UGGT2: variants seen among roughly 807,000 people sequenced by gnomAD.
UGGT2 encodes the protein UDP-glucose glycoprotein glucosyltransferase 2.
In UGGT2, 180 loss-of-function variants were observed where a neutral mutation model predicts 192.1. The ratio of observed to expected loss-of-function variants is 0.94; its 90% CI spans 0.83 to 1.06. UGGT2 has a LOEUF of 1.06. Ranked by LOEUF, UGGT2 falls within the 50% of genes least tolerant of loss-of-function variation. UGGT2 has a pLI of 0.00. For synonymous variants in UGGT2, 580 were observed against 591.0 expected (o/e 0.98, Z 0.27); for missense variants, 1,849 against 1,795.7 (o/e 1.03, Z -0.54).
At chr13:96,023,989 G>T (rs2052592022) in intron 2 of UGGT2, among the ~76,000 whole-genome samples, 1 of 152,090 alleles carries the variant, frequency 6.6e-6, no homozygotes, top group Non-Finnish European at 1.5e-5. Flanking sequence ...AAATAATCTT[G>T]CCATTAAAAT....
chr13:95,839,060 T>C (rs1028232897), intron 36 of UGGT2, among the ~76,000 whole-genome samples: 1 of 152,140 alleles, frequency 6.6e-6, no homozygotes, highest in African/African-American at 2.4e-5. Flanking sequence ...TTGTACTTTC[T>C]TGACAAAGTC....
chr13:95,994,927 G>A (rs1388629506), intron 7 of UGGT2, among the ~76,000 whole-genome samples: 1 of 151,974 alleles, frequency 6.6e-6, no homozygotes, highest in Non-Finnish European at 1.5e-5. Flanking sequence ...GGTAAAAGGA[G>A]AAAAACATGC....
chr13:95,855,926 G>A (rs1287686733), intron 34 of UGGT2, among the ~76,000 whole-genome samples: 1 of 152,064 alleles, frequency 6.6e-6, no homozygotes, highest in African/African-American at 2.4e-5. Flanking sequence ...TACTACTTTA[G>A]AGAGAAAACT....
At position 95,972,669 on chromosome 13, in the gene UGGT2, A is replaced by G. The variant is rs764857010; in HGVS notation, c.1095T>C (p.Asp365=). The G allele has an allele frequency of 1.2e-6, 2 of 1,612,388 alleles. No individual in the cohort carries two copies. The highest frequency in any genetic ancestry group is 4.5e-5 in the East Asian group (2 of 44,794). Residue 365 remains aspartate (D), a splice_region_variant and synonymous_variant, in exon 11 of 39, where the codon GAT becomes GAC. Transcript: ENST00000376747. The part of the protein sequence containing the change: ...MREEIKENQK[D]LQVRFKIQPG... ...GCTGAATTTTAAATCTAACTTGAAGATCCTTGAAGTAGAGCAAAGCAATAG... is the reference window on the plus strand; with the variant it reads ...GCTGAATTTTAAATCTAACTTGAAGGTCCTTGAAGTAGAGCAAAGCAATAG...
At chr13:95,862,085 C>A (rs73556795) in intron 31 of UGGT2, among the ~76,000 whole-genome samples, 3 of 152,086 alleles carry the variant, frequency 2.0e-5, no homozygotes, top group African/African-American at 7.2e-5. Context: ...ATTTCATTAT[C>A]CCCTGTCAAA....
intron 12 of UGGT2, among the ~76,000 whole-genome samples, chr13:95,961,143 T>C (rs966899884): frequency 6.6e-6 from 1 of 151,340 alleles, no homozygotes. Context: ...ATGTTACCAA[T>C]ACAGAAAACC....
intron 1 of UGGT2, among the ~76,000 whole-genome samples, chr13:96,050,043 CA>C (rs1325186431): frequency 6.6e-6 from 1 of 152,148 alleles, no homozygotes; most frequent in African/African-American, 2.4e-5. Context: ...GCAAAAAGAA[CA>C]AAGCTGGAGG....
chr13:95,870,943 G>C (rs564437069), intron 29 of UGGT2, among the ~76,000 whole-genome samples: 113 of 152,294 alleles, frequency 7.4e-4, no homozygotes, highest in African/African-American at 2.6e-3. Context: ...TCTGCCATAG[G>C]GCAATGCAGC....
chr13:95,934,080 T>G (rs985753681), intron 17 of UGGT2, among the ~76,000 whole-genome samples: 4 of 152,226 alleles, frequency 2.6e-5, no homozygotes, highest in Non-Finnish European at 5.9e-5. Flanking sequence ...TGTTTTCATT[T>G]ATTTGAATTT....
chr13:95,974,094 T>G (rs959375642), intron 10 of UGGT2, among the ~76,000 whole-genome samples: 1 of 152,216 alleles, frequency 6.6e-6, no homozygotes, highest in African/African-American at 2.4e-5. Flanking sequence ...TGAATTTTTC[T>G]GTACGATTAT....
intron 20 of UGGT2, among the ~76,000 whole-genome samples, chr13:95,911,485 A>C (rs1180586493): frequency 6.6e-6 from 1 of 152,230 alleles, no homozygotes; most frequent in East Asian, 1.9e-4. Flanking sequence ...GAAAATCTAG[A>C]AGAAATGGAT....
intron 7 of UGGT2, among the ~76,000 whole-genome samples, chr13:95,992,952 A>G (rs540125359): frequency 7.0e-4 from 107 of 152,338 alleles, no homozygotes; most frequent in African/African-American, 2.5e-3. Flanking sequence ...AATTCTGACA[A>G]AAAGACATAT....
chr13:96,002,160 C>G (rs2051827603), intron 5 of UGGT2, among the ~76,000 whole-genome samples: 1 of 152,154 alleles, frequency 6.6e-6, no homozygotes, highest in South Asian at 2.1e-4. Context: ...ATCTCCCACT[C>G]CCGTTCCTAT....
chr13:95,874,358 C>T (rs1015981665), intron 29 of UGGT2, among the ~76,000 whole-genome samples: 1 of 152,136 alleles, frequency 6.6e-6, no homozygotes, highest in African/African-American at 2.4e-5. Context: ...GCACAATACT[C>T]TTGCCTTTTG....
chr13:96,015,173 G>A (rs939770927), intron 4 of UGGT2, among the ~76,000 whole-genome samples: 2 of 151,818 alleles, frequency 1.3e-5, no homozygotes, highest in African/African-American at 4.8e-5. Context: ...AGCTACTCGG[G>A]AGGCTGAGGC....
chr13:95,924,393 C>CTTGTTTTTTTTTTTTTTT (rs2048948308), intron 20 of UGGT2, among the ~76,000 whole-genome samples: 1 of 63,322 alleles, frequency 1.6e-5, no homozygotes, highest in Non-Finnish European at 3.2e-5. Context: ...TCCCAAACAG[C>CTTGTTTTTTTTTTTTTTT]TTTTTTTTTT....
intron 30 of UGGT2, 152 bp downstream of exon 30, chr13:95,867,187 C>A: frequency 1.5e-6 from 1 of 675,570 alleles, no homozygotes. Flanking sequence ...TGAACTTAAT[C>A]CTCTTCTTTT....
chr13:95,853,538 C>G lies in UGGT2; in HGVS notation c.4284+5G>C, dbSNP rs1232705096. ...TCAAAATTATTCTGTTAACATTTTA[C>G]TTACCTGATCTAGGTTTGAAAGACT... On this transcript the variant is annotated splice_donor_5th_base_variant and intron_variant, in intron 36 of 38. Coordinates refer to ENST00000376747, the MANE Select transcript of UGGT2 (RefSeq NM_020121.4). 6.2e-7 allele frequency: 1 copy of G among 1,611,628 alleles called. No homozygotes were observed. Among genetic ancestry groups the G allele is most frequent in the Admixed American group, 1.7e-5 (1 of 59,804 alleles).
At chr13:95,859,742 C>A in intron 32 of UGGT2, 67 bp from the exon 33 acceptor site, 2 of 1,185,960 alleles carry the variant, frequency 1.7e-6, no homozygotes, top group Non-Finnish European at 2.3e-6. Context: ...ATTTTTTAAC[C>A]TTGAAGTGTT....
Sources: allele counts gnomAD v4.1 joint callset (sites outside exome capture counted in the v4.1 genomes callset), GRCh38; gene constraint gnomAD v4.1.1; transcripts MANE v1.5; gene names NCBI Gene and HGNC (gene_info 2026-07-23, HGNC 2026-07-21).